RPA1: variants seen among roughly 807,000 people sequenced by gnomAD.
RPA1 encodes the protein replication protein A 70 kDa DNA-binding subunit.
A neutral mutation model predicts 83.0 loss-of-function variants in RPA1; 49 were observed. That is an observed-to-expected ratio of 0.59 (90% CI 0.47 to 0.75). RPA1 has a LOEUF of 0.75. Ranked by LOEUF, RPA1 falls within the 30% of genes least tolerant of loss-of-function variation. The pLI is 0.00. For synonymous variants in RPA1, 279 were observed against 281.8 expected (o/e 0.99, Z 0.10); for missense variants, 693 against 776.1 (o/e 0.89, Z 1.27).
chr17:1,843,078 G>A (rs1567802576), intron 2 of RPA1, among the ~76,000 whole-genome samples: 1 of 151,926 alleles, frequency 6.6e-6, no homozygotes, highest in East Asian at 1.9e-4. Context: ...TCAGACTGAA[G>A]GCTTTGCCTC....
At chr17:1,850,894 A>T (rs1246351414) in intron 4 of RPA1, among the ~76,000 whole-genome samples, 2 of 139,478 alleles carry the variant, frequency 1.4e-5, no homozygotes, top group East Asian at 2.0e-4. Context: ...TCTCTCTCTC[A>T]AAAAAAAAAA....
At chr17:1,882,421 C>T (rs757109487) in intron 12 of RPA1, among the ~76,000 whole-genome samples, 3 of 151,920 alleles carry the variant, frequency 2.0e-5, no homozygotes, top group Non-Finnish European at 4.4e-5. Context: ...TTTGGGAGGC[C>T]GAGGTGGACA....
intron 4 of RPA1, among the ~76,000 whole-genome samples, chr17:1,845,409 C>T (rs898847147): frequency 6.6e-5 from 10 of 151,554 alleles, no homozygotes; most frequent in East Asian, 3.9e-4. Context: ...TGGCGGCACA[C>T]GCTACAGTCC....
At chr17:1,836,401 T>C (rs984069169) in intron 1 of RPA1, among the ~76,000 whole-genome samples, 1 of 152,012 alleles carries the variant, frequency 6.6e-6, no homozygotes, top group African/African-American at 2.4e-5. Context: ...TAAGCCACCA[T>C]GCCCGGCCAA....
chr17:1,839,064 G>A (rs532300023), intron 1 of RPA1, among the ~76,000 whole-genome samples: 1 of 151,912 alleles, frequency 6.6e-6, no homozygotes, highest in Admixed American at 6.6e-5. Context: ...CGTGTTAGCC[G>A]GGATGGTCCC....
At chr17:1,839,092 G>A (rs535110175) in intron 1 of RPA1, among the ~76,000 whole-genome samples, 18 of 152,162 alleles carry the variant, frequency 1.2e-4, no homozygotes, top group Admixed American at 2.6e-4. Context: ...TGACCTCGTC[G>A]TGATCCACCT....
chr17:1,893,545 G>T (rs1914276749), intron 15 of RPA1, among the ~76,000 whole-genome samples: 1 of 152,164 alleles, frequency 6.6e-6, no homozygotes, highest in South Asian at 2.1e-4. Context: ...ACACTAGGTT[G>T]GTGTGAACTA....
At chr17:1,856,909 G>A (rs1912721223) in intron 5 of RPA1, among the ~76,000 whole-genome samples, 2 of 151,814 alleles carry the variant, frequency 1.3e-5, no homozygotes, top group South Asian at 4.1e-4. Context: ...TCTCAAAGGA[G>A]CAACTTTTGG....
intron 4 of RPA1, 45 bp downstream of exon 4, chr17:1,844,731 A>T: frequency 6.8e-7 from 1 of 1,472,928 alleles, no homozygotes; most frequent in Non-Finnish European, 9.4e-7. Flanking sequence ...GTAGAATGGG[A>T]ACAAATTTAG....
At position 1,883,949 on chromosome 17, in the gene RPA1, C is replaced by A. The variant is rs368411386; in HGVS notation, c.1374+5C>A. ...AACCTGGGCCAAGGCGACAAGGTAC[C>A]CAGCATTCCTAACCACCTTCACAAA... On this transcript the variant is annotated splice_donor_5th_base_variant and intron_variant, in intron 13 of 16. Coordinates refer to ENST00000254719, the MANE Select transcript of RPA1 (RefSeq NM_002945.5). The A allele has an allele frequency of 6.2e-7, 1 of 1,613,502 alleles. No individual in the cohort carries two copies. The highest frequency in any genetic ancestry group is 8.5e-7 in the Non-Finnish European group (1 of 1,179,914).
chr17:1,859,629 G>C (rs35544336), intron 5 of RPA1, among the ~76,000 whole-genome samples: 42,677 of 151,636 alleles, frequency 0.28, 7,761 homozygotes, highest in Non-Finnish European at 0.42. Context: ...TTTTTGTTTT[G>C]TTTTGTTTTT....
At chr17:1,886,705 C>CTT (rs57659628) in intron 13 of RPA1, among the ~76,000 whole-genome samples, 11,003 of 125,318 alleles carry the variant, frequency 0.088, 806 homozygotes, top group African/African-American at 0.17. Flanking sequence ...TCTTCTGCAG[C>CTT]TTTTTTTTTT....
At position 1,888,779 on chromosome 17, in the gene RPA1, A is replaced by G. The variant is rs1914092585; in HGVS notation, c.1479A>G (p.Gln493=). The change falls in exon 14 of 17, where the codon CAA becomes CAG. Residue 493 remains glutamine (Q), a synonymous_variant. Coordinates refer to ENST00000254719, the MANE Select transcript of RPA1 (RefSeq NM_002945.5). ...ACTGCAATAAGAAAGTGATTGATCA[A>G]CAGAATGGATTGTACCGCTGTGAGA... The part of the protein sequence containing the change: ...TQDCNKKVID[Q]QNGLYRCEKC... 1.2e-6 allele frequency: 2 copies of G among 1,614,128 alleles called. No individual in the cohort carries two copies. The highest frequency in any genetic ancestry group is 1.1e-5 in the South Asian group (1 of 91,092).
At chr17:1,842,728 A>G (rs2151270569) in intron 1 of RPA1, 75 bp from the exon 2 acceptor site, 1 of 1,320,050 alleles carries the variant, frequency 7.6e-7, no homozygotes, top group East Asian at 2.3e-5. Context: ...TATTCCAAAT[A>G]CCAACTATAA....
chr17:1,873,849 C>G (rs1044869383), intron 6 of RPA1, among the ~76,000 whole-genome samples: 2 of 151,530 alleles, frequency 1.3e-5, no homozygotes, highest in Non-Finnish European at 2.9e-5. Context: ...AAAAATTAAT[C>G]GGGCATGGTG....
chr17:1,849,316 G>C (rs1388429151), intron 4 of RPA1, among the ~76,000 whole-genome samples: 1 of 123,762 alleles, frequency 8.1e-6, no homozygotes, highest in African/African-American at 3.4e-5. Flanking sequence ...TTTTTGAGAC[G>C]GAGTCTCGCT....
intron 7 of RPA1, 22 bp downstream of exon 7, chr17:1,875,815 G>A (rs375785003): frequency 1.4e-5 from 22 of 1,603,434 alleles, no homozygotes; most frequent in Middle Eastern, 1.7e-4. Context: ...CATAGAGTAA[G>A]TTCAGAGTGT....
chr17:1,883,884 T>C lies in RPA1; in HGVS notation c.1314T>C (p.Ser438=). ...SDLKSGGVGG[S]NTNWKTLYEV... ...TAAAGAGCGGCGGAGTCGGAGGGAGTAACACCAACTGGAAAACCTTGTATG... is the reference window on the plus strand; with the variant it reads ...TAAAGAGCGGCGGAGTCGGAGGGAGCAACACCAACTGGAAAACCTTGTATG... Residue 438 remains serine, a synonymous_variant, in exon 13 of 17, where the codon AGT becomes AGC. Coordinates refer to ENST00000254719, the MANE Select transcript of RPA1 (RefSeq NM_002945.5). The C allele has an allele frequency of 6.2e-7, 1 of 1,613,852 alleles. No homozygotes were observed. The highest frequency in any genetic ancestry group is 8.5e-7 in the Non-Finnish European group (1 of 1,179,976).
intron 2 of RPA1, 26 bp from the exon 3 acceptor site, chr17:1,843,894 C>T: frequency 1.2e-6 from 2 of 1,605,604 alleles, no homozygotes; most frequent in Non-Finnish European, 1.7e-6. Flanking sequence ...GACAACCTGG[C>T]TAATGAATCA....
Sources: allele counts gnomAD v4.1 joint callset (sites outside exome capture counted in the v4.1 genomes callset), GRCh38; gene constraint gnomAD v4.1.1; transcripts MANE v1.5; gene names NCBI Gene and HGNC (gene_info 2026-07-23, HGNC 2026-07-21).